Variants in VPS35 observed in about 807,000 individuals in gnomAD.
VPS35 encodes the protein vacuolar protein sorting-associated protein 35.
A neutral mutation model predicts 98.1 loss-of-function variants in VPS35; 21 were observed. The ratio of observed to expected loss-of-function variants is 0.21; its 90% confidence interval spans 0.15 to 0.31. The LOEUF (loss-of-function observed/expected upper bound fraction) is 0.31, where lower values mean the gene tolerates loss of function less well. VPS35 is among the 10% of genes least tolerant of loss of function. VPS35 has a pLI of 1.00. For synonymous variants in VPS35, 268 were observed against 318.2 expected (o/e 0.84, Z 1.68); for missense variants, 554 against 950.8 (o/e 0.58, Z 5.49).
intron 13 of VPS35, among the ~76,000 whole-genome samples, chr16:46,667,821 G>A (rs1966011111): frequency 6.6e-6 from 1 of 152,024 alleles, no homozygotes; most frequent in Non-Finnish European, 1.5e-5. Context: ...TCAAAGATTA[G>A]TTTATTGCAT....
chr16:46,670,152 G>A (rs2143007162), intron 12 of VPS35, among the ~76,000 whole-genome samples: 1 of 152,190 alleles, frequency 6.6e-6, no homozygotes, highest in Non-Finnish European at 1.5e-5. Context: ...TGACACAATG[G>A]CATTCAGGTT....
chr16:46,671,093 TAA>T (rs1966061613), intron 12 of VPS35, among the ~76,000 whole-genome samples: 1 of 149,772 alleles, frequency 6.7e-6, no homozygotes, highest in Non-Finnish European at 1.5e-5. Flanking sequence ...GGACTAATAA[TAA>T]AGAGAGAACC....
chr16:46,662,105 C>G (rs1965922385), intron 15 of VPS35, 138 bp downstream of exon 15: 1 of 1,507,410 alleles, frequency 6.6e-7, no homozygotes, highest in East Asian at 2.3e-5. Context: ...ATGAGACTCT[C>G]TTTTTTAACA....
At chr16:46,662,132 T>C in intron 15 of VPS35, 111 bp downstream of exon 15, 1 of 1,581,200 alleles carries the variant, frequency 6.3e-7, no homozygotes, top group Non-Finnish European at 8.6e-7. Context: ...AGCAATTTTG[T>C]TCATCAGATT....
intron 2 of VPS35, 199 bp downstream of exon 2, chr16:46,683,309 C>A: frequency 8.2e-6 from 5 of 608,926 alleles, no homozygotes; most frequent in South Asian, 7.7e-5. Context: ...CAATCCCAAA[C>A]CATAAATATA....
In VPS35 at chr16:46,657,964, A is replaced by T. The variant is rs1965857258; in HGVS notation, c.*2508T>A. ...TAAGACACAATAAAAATTACTAAAA[A>T]AGGAGAACAGGGAATAGCAGACACA... On this transcript the variant is annotated 3_prime_UTR_variant, in exon 17 of 17. Transcript: ENST00000299138. The T allele has an allele frequency of 6.6e-6, 1 of 152,252 alleles. No individual in the cohort carries two copies. Among genetic ancestry groups the T allele is most frequent in the Non-Finnish European group, 1.5e-5 (1 of 68,050 alleles). 9.4% of individuals were successfully genotyped at this position (152,252 alleles called of 1,614,324 possible).
intron 8 of VPS35, among the ~76,000 whole-genome samples, chr16:46,675,019 G>A (rs1057151447): frequency 1.3e-4 from 20 of 151,358 alleles, no homozygotes; most frequent in African/African-American, 3.9e-4. Flanking sequence ...GTACTGACCT[G>A]GACTCAAGCA....
At chr16:46,678,831 C>T in intron 6 of VPS35, 112 bp downstream of exon 6, 1 of 1,088,408 alleles carries the variant, frequency 9.2e-7, no homozygotes, top group Non-Finnish European at 1.3e-6. Flanking sequence ...TCAATAACAG[C>T]CATTTTAAGA....
In VPS35 at chr16:46,660,126, C is replaced by A. The variant is rs545755034; in HGVS notation, c.*346G>T. On this transcript the variant is annotated 3_prime_UTR_variant, in exon 17 of 17. Coordinates refer to ENST00000299138, the MANE Select transcript of VPS35 (RefSeq NM_018206.6). Reference sequence around the variant, plus strand: ...AGAAAATACACAATCAACAATGAAGCAAACAAACAAACAAAAAAAAGGAGA... The same window carrying A: ...AGAAAATACACAATCAACAATGAAGAAAACAAACAAACAAAAAAAAGGAGA... The A allele has an allele frequency of 5.2e-6, 1 of 193,600 alleles. No individual in the cohort carries two copies. The highest frequency in any genetic ancestry group is 2.5e-5 in the African/African-American group (1 of 39,290). 12.0% of individuals were successfully genotyped at this position (193,600 alleles called of 1,614,324 possible).
intron 7 of VPS35, 126 bp from the exon 8 acceptor site, chr16:46,676,818 C>T (rs1966159193): frequency 8.3e-6 from 6 of 725,778 alleles, no homozygotes; most frequent in Non-Finnish European, 1.5e-5. Flanking sequence ...AAACACATTA[C>T]TTTTGAACCT....
chr16:46,681,237 A>G, intron 4 of VPS35, 140 bp downstream of exon 4: 1 of 1,208,268 alleles, frequency 8.3e-7, no homozygotes. Flanking sequence ...TAAAACAAGT[A>G]AGAGAATATC....
At chr16:46,685,515 C>A (rs577576942) in intron 1 of VPS35, among the ~76,000 whole-genome samples, 107 of 152,278 alleles carry the variant, frequency 7.0e-4, no homozygotes, top group Non-Finnish European at 1.1e-3. Context: ...AAGCACTCTT[C>A]CTCAGAAGCA....
Position 46,674,388 on chromosome 16 carries a change from G to A in VPS35, c.1086C>T (p.Tyr362=), listed in dbSNP as rs1567266673. 1.2e-6 allele frequency: 2 copies of A among 1,613,834 alleles called. No individual in the cohort carries two copies. Among genetic ancestry groups the A allele is most frequent in the Non-Finnish European group, 1.7e-6 (2 of 1,179,936 alleles). Residue 362 remains tyrosine, a synonymous_variant, in exon 10 of 17, where the codon TAC becomes TAT. Coordinates refer to ENST00000299138, the MANE Select transcript of VPS35 (RefSeq NM_018206.6). ...VSLINLAMKC[Y]PDRVDYVDKV... The stretch of plus-strand genomic sequence containing the variant: ...TATCAACATAGTCCACACGATCAGG[G>A]TAACATTTCATGGCAAGATTAATCA...
At position 46,660,320 on chromosome 16, in the gene VPS35, T is replaced by A. The variant is rs1965892483; in HGVS notation, c.*152A>T. On this transcript the variant is annotated 3_prime_UTR_variant, in exon 17 of 17. Coordinates refer to ENST00000299138, the MANE Select transcript of VPS35 (RefSeq NM_018206.6). ...ATTTTATTAAGGTCCTGAAGGTGAGTGTCCGGAGGTGCTGGGTAAAACACA... is the reference window on the plus strand; with the variant it reads ...ATTTTATTAAGGTCCTGAAGGTGAGAGTCCGGAGGTGCTGGGTAAAACACA... 6 of 804,046 alleles carry A rather than the reference T, an allele frequency of 7.5e-6. No homozygotes were observed. Among genetic ancestry groups the A allele is most frequent in the Non-Finnish European group, 1.2e-5 (6 of 505,926 alleles). The allele number at this position is 804,046 out of a possible 1,614,324, so 49.8% of individuals were successfully genotyped here. A position where few individuals can be genotyped will look rare whatever the true frequency, so the allele number is the denominator to read the frequency against.
rs752669604 is a variant in VPS35 at position 46,683,623 on chromosome 16, T to G, written c.4-17A>C. ...TGTTGTAGGCTGAAAAATAAAAAAT[T>G]CCACTGATGTCTCAAGCACATTCTT... On this transcript the variant is annotated splice_polypyrimidine_tract_variant and intron_variant, in intron 1 of 16. Coordinates refer to ENST00000299138, the MANE Select transcript of VPS35 (RefSeq NM_018206.6). 23 of 1,569,686 alleles carry G rather than the reference T, an allele frequency of 1.5e-5. No individual in the cohort carries two copies. In the South Asian group the frequency reaches 2.5e-4, roughly 17 times the overall value.
rs1966157560 is a variant in VPS35 at position 46,676,685 on chromosome 16, G to A, written c.812C>T (p.Pro271Leu). 6.2e-7 allele frequency: 1 copy of A among 1,608,468 alleles called. No homozygotes were observed. The highest frequency in any genetic ancestry group is 8.5e-7 in the Non-Finnish European group (1 of 1,175,086). The change falls in exon 8 of 17, where the codon CCT becomes CTT. Residue 271 changes from proline to leucine, a missense_variant. Coordinates refer to ENST00000299138, the MANE Select transcript of VPS35 (RefSeq NM_018206.6). The stretch of plus-strand genomic sequence containing the variant: ...CAAAGTCTGGAGGTGAAATTCATCA[G>A]GGAAAACCTGAAAATCAAATGATCA... Reference protein sequence around the residue: ...YLMECIIQVFPDEFHLQTLNP... With the variant: ...YLMECIIQVFLDEFHLQTLNP...
Position 46,661,725 on chromosome 16 carries a change from T to C in VPS35, c.2204A>G (p.Asn735Ser). The C allele has an allele frequency of 6.2e-7, 1 of 1,607,856 alleles. No homozygotes were observed. Among genetic ancestry groups the C allele is most frequent in the Non-Finnish European group, 8.5e-7 (1 of 1,174,432 alleles). ...NRYIYFYEKE[N>S]DAVTIQVLNQ... The stretch of plus-strand genomic sequence containing the variant: ...CTTTACTAATTCACTTACCGCATCA[T>C]TTTCCTTTTCATAAAAATAGATATA... The change falls in exon 16 of 17, where the codon AAT (asparagine) becomes AGT (serine). Residue 735 changes from asparagine to serine, a missense_variant. Physicochemically the swap from Asn to Ser is conservative, Grantham distance 46. Coordinates refer to ENST00000299138, the MANE Select transcript of VPS35 (RefSeq NM_018206.6). This position sits in a 1 kb window ranked among gnomAD's most constrained non-coding sequence, Gnocchi z 4.3.
intron 2 of VPS35, chr16:46,683,206 G>A (rs1966259829): frequency 1.2e-5 from 5 of 427,410 alleles, no homozygotes; most frequent in Non-Finnish European, 2.2e-5. Flanking sequence ...AGTAATTCTG[G>A]TCAGACACTG....
chr16:46,686,908 A>G (rs929558664), intron 1 of VPS35, among the ~76,000 whole-genome samples: 3 of 152,240 alleles, frequency 2.0e-5, no homozygotes, highest in Non-Finnish European at 4.4e-5. Flanking sequence ...TAATGTGCAG[A>G]GCAAAGCAAA....
Sources: allele counts gnomAD v4.1 joint callset (sites outside exome capture counted in the v4.1 genomes callset), GRCh38; gene constraint gnomAD v4.1.1; non-coding constraint Gnocchi (gnomAD v3.1); transcripts MANE v1.5; gene names NCBI Gene and HGNC (gene_info 2026-07-23, HGNC 2026-07-21).